MUC12: variants seen among roughly 807,000 people sequenced by gnomAD.
MUC12 encodes mucin-12.
In MUC12, 172 loss-of-function variants were observed where a neutral mutation model predicts 230.8. The ratio of observed to expected loss-of-function variants is 0.75; its 90% CI spans 0.66 to 0.85. The LOEUF (loss-of-function observed/expected upper bound fraction) is 0.85. Ranked by LOEUF, MUC12 falls within the 40% of genes least tolerant of loss-of-function variation. The probability of loss-of-function intolerance (pLI) is 0.00; values close to 1 mark genes in which losing one functional copy is unlikely to be tolerated. For missense variants in MUC12, 3,506 were observed against 5,920.6 expected, an observed-to-expected ratio of 0.59 and a Z score of 13.38; for synonymous variants, 1,259 against 2,401.9, an observed-to-expected ratio of 0.52 and a Z score of 13.91.
In MUC12 at chr7:101,012,328, T is replaced by A. The variant is rs776750530; in HGVS notation, c.15284T>A (p.Ile5095Asn). 1.0e-5 allele frequency: 16 copies of A among 1,537,348 alleles called. No individual in the cohort carries two copies. Among genetic ancestry groups the A allele is most frequent in the Non-Finnish European group, 1.1e-5 (13 of 1,146,930 alleles). The change falls in exon 6 of 12, where the codon ATC becomes AAC. Residue 5095 changes from isoleucine (I) to asparagine (N), a missense_variant. Transcript: ENST00000536621. ...NGSIVVKNDV[I>N]LEADYTLEYE... ...AGCATCGTGGTCAAGAACGATGTCATCCTGGAGGCAGACTACACTTTAGAG... is the reference window on the plus strand; with the variant it reads ...AGCATCGTGGTCAAGAACGATGTCAACCTGGAGGCAGACTACACTTTAGAG...
At position 100,974,986 on chromosome 7, in the gene MUC12, G is replaced by A. The variant is rs551721799; in HGVS notation, c.67+5297G>A. Reference sequence around the variant, plus strand: ...GACAGTCCAGGAGGCTGTATTGACCGGGAGGACAGGAGCCTCTCTTTGGTG... The same window carrying A: ...GACAGTCCAGGAGGCTGTATTGACCAGGAGGACAGGAGCCTCTCTTTGGTG... On this transcript the variant is annotated intron_variant, in intron 1 of 11. Coordinates refer to ENST00000536621, the MANE Select transcript of MUC12 (RefSeq NM_001164462.2). Among the ~76,000 whole-genome samples the A allele has an allele frequency of 2.8e-4, 43 of 152,412 alleles. No homozygotes were observed. In the East Asian group the frequency reaches 2.9e-3, roughly 10 times the overall value.
At position 100,992,477 on chromosome 7, in the gene MUC12, A is replaced by T; in HGVS notation, c.1914A>T (p.Pro638=). The T allele has an allele frequency of 1.3e-6, 2 of 1,537,892 alleles. No homozygotes were observed. The highest frequency in any genetic ancestry group is 2.4e-5 in the East Asian group (1 of 40,928). Residue 638 remains proline, a synonymous_variant, in exon 2 of 12, where the codon CCA becomes CCT. Coordinates refer to ENST00000536621, the MANE Select transcript of MUC12 (RefSeq NM_001164462.2). ...QGESTTFHSW[P]SSKDTRPAPP... is the part of the protein sequence containing the mutation. Reference sequence around the variant, plus strand: ...AATCTACCACATTCCATAGCTGGCCAAGCTCAAAGGACACTAGGCCTGCAC... The same window carrying T: ...AATCTACCACATTCCATAGCTGGCCTAGCTCAAAGGACACTAGGCCTGCAC...
At chr7:101,017,749 C>G in intron 11 of MUC12, 86 bp downstream of exon 11, 1 of 917,782 alleles carries the variant, frequency 1.1e-6, no homozygotes, top group Non-Finnish European at 1.5e-6. Flanking sequence ...CCCTTCTCCC[C>G]CTGGGACTCC....
rs1157648244 is a variant in MUC12 at position 100,977,050 on chromosome 7, C to CAAAAAA, written c.67+7388_67+7393dup. ...TTGGTGACAGACCAAGACTCCATCT[C>CAAAAAA]AAAAAAAAAAAAAAAAAAAAAAAAA... On this transcript the variant is annotated intron_variant, in intron 1 of 11. Transcript: ENST00000536621. 8.8e-4 allele frequency among the ~76,000 whole-genome samples: 55 copies of CAAAAAA among 62,428 alleles called. 1 individual carries two copies. The highest frequency in any genetic ancestry group is 1.2e-3 in the African/African-American group (18 of 15,612). The allele number at this position is 62,428 out of a possible 152,430, so 41.0% of individuals were successfully genotyped here. A position where few individuals can be genotyped will look rare whatever the true frequency, so the allele number is the denominator to read the frequency against.
intron 1 of MUC12, 110 bp downstream of exon 1, chr7:100,969,799 A>T (rs1792813821): frequency 2.1e-6 from 3 of 1,459,286 alleles, no homozygotes; most frequent in Non-Finnish European, 2.8e-6. Context: ...TTTGCATGGC[A>T]AGGGGCTGCC....
chr7:101,016,534 C>T (rs1298155721), intron 10 of MUC12, among the ~76,000 whole-genome samples: 5 of 152,112 alleles, frequency 3.3e-5, no homozygotes, highest in South Asian at 2.1e-4. Flanking sequence ...AGGCTGGTCT[C>T]GAACTCCAGA....
At chr7:100,971,400 G>A (rs1426467509) in intron 1 of MUC12, among the ~76,000 whole-genome samples, 70 of 152,358 alleles carry the variant, frequency 4.6e-4, no homozygotes, top group Admixed American at 4.5e-3. Flanking sequence ...TGGGCAGAAG[G>A]GGTGGTGAGG....
rs1256619233 is a variant in MUC12, at chr7:100,995,673, A to C, written c.5110A>C (p.Thr1704Pro). The change falls in exon 2 of 12, where the codon ACT becomes CCT. Residue 1704 changes from threonine to proline, a missense_variant. Thr to Pro is a conservative substitution (Grantham distance 38, BLOSUM62 -1). Transcript: ENST00000536621. The part of the protein sequence containing the change: ...SSKDTMPAPP[T>P]TTSAFVELST... ...AAAGGACACTATGCCTGCACCTCCT[A>C]CTACCACATCAGCCTTTGTTGAGCT... 3.3e-6 allele frequency: 5 copies of C among 1,537,130 alleles called. No homozygotes were observed. In the South Asian group the frequency reaches 3.6e-5, roughly 11 times the overall value.
At chr7:101,010,093 A>C (rs923652950) in intron 5 of MUC12, among the ~76,000 whole-genome samples, 1 of 152,128 alleles carries the variant, frequency 6.6e-6, no homozygotes, top group African/African-American at 2.4e-5. Flanking sequence ...GGTCTTTGGG[A>C]GGCAGGACCA....
intron 1 of MUC12, among the ~76,000 whole-genome samples, chr7:100,975,341 C>T (rs1244382600): frequency 6.6e-6 from 1 of 152,306 alleles, no homozygotes; most frequent in East Asian, 1.9e-4. Context: ...CGCTCTTTAG[C>T]TTAGAAAGGT....
chr7:100,972,788 G>A lies in MUC12; in HGVS notation c.67+3099G>A, dbSNP rs1042003612. Reference sequence around the variant, plus strand: ...CCCAAAGTGCTGGAATGACAGGTGCGAGCCACCGCATCTGGCCCAGCATCT... The same window carrying A: ...CCCAAAGTGCTGGAATGACAGGTGCAAGCCACCGCATCTGGCCCAGCATCT... On this transcript the variant is annotated intron_variant, in intron 1 of 11. Coordinates refer to ENST00000536621, the MANE Select transcript of MUC12 (RefSeq NM_001164462.2). The A allele has an allele frequency of 1.0e-5, 7 of 688,786 alleles. No homozygotes were observed. In the Admixed American group the frequency reaches 1.2e-4, roughly 12 times the overall value. The allele number at this position is 688,786 out of a possible 1,614,324, so 42.7% of individuals were successfully genotyped here.
chr7:101,007,519 C>T (rs971056153), intron 3 of MUC12, among the ~76,000 whole-genome samples: 2 of 152,182 alleles, frequency 1.3e-5, no homozygotes, highest in Non-Finnish European at 2.9e-5. Flanking sequence ...TCTTTCTGTG[C>T]CTGGCTTATT....
intron 1 of MUC12, among the ~76,000 whole-genome samples, chr7:100,976,248 A>G (rs1407617452): frequency 6.6e-6 from 1 of 152,106 alleles, no homozygotes; most frequent in Non-Finnish European, 1.5e-5. Context: ...ACTGCAACCC[A>G]GCCTGGGTGA....
At position 100,992,424 on chromosome 7, in the gene MUC12, C is replaced by A; in HGVS notation, c.1861C>A (p.Pro621Thr). 1 of 1,537,984 alleles carries A rather than the reference C, an allele frequency of 6.5e-7. No homozygotes were observed. Among genetic ancestry groups the A allele is most frequent in the Non-Finnish European group, 8.7e-7 (1 of 1,147,070 alleles). ...STRSPHTTLS[P>T]AGSTTRQGES... ...CAGATCGCCACACACAACACTGTCC[C>A]CTGCCGGCTCTACAACCCGTCAGGG... Residue 621 changes from proline (P) to threonine (T), a missense_variant, in exon 2 of 12, where the codon CCT becomes ACT. Physicochemically the swap from Pro to Thr is conservative, Grantham distance 38. Coordinates refer to ENST00000536621, the MANE Select transcript of MUC12 (RefSeq NM_001164462.2).
intron 1 of MUC12, among the ~76,000 whole-genome samples, chr7:100,980,797 G>T (rs1793093998): frequency 1.3e-5 from 2 of 151,954 alleles, no homozygotes; most frequent in Admixed American, 6.6e-5. Flanking sequence ...TGGGGCCTGT[G>T]GTCTCAGGTA....
At chr7:100,985,972 G>GGAGCTCAGCCCCTC (rs1793182141) in intron 1 of MUC12, among the ~76,000 whole-genome samples, 1 of 152,108 alleles carries the variant, frequency 6.6e-6, no homozygotes, top group Non-Finnish European at 1.5e-5. Context: ...GGCAGCCCCT[G>GGAGCTCAGCCCCTC]GAGCTCAGCC....
intron 1 of MUC12, among the ~76,000 whole-genome samples, chr7:100,983,343 C>T (rs1284224096): frequency 6.6e-6 from 1 of 151,546 alleles, no homozygotes; most frequent in Non-Finnish European, 1.5e-5. Context: ...TTGCTTGAGT[C>T]CGGGAGATGG....
chr7:101,018,469 C>G (rs1793991778), intron 11 of MUC12, 126 bp from the exon 12 acceptor site: 1 of 653,958 alleles, frequency 1.5e-6, no homozygotes, highest in Non-Finnish European at 2.5e-6. Flanking sequence ...GACTCCCTCC[C>G]TCCCCCTGGG....
rs1291284882 is a variant in MUC12 at position 100,993,034 on chromosome 7, C to A, written c.2471C>A (p.Thr824Asn). The A allele has an allele frequency of 4.6e-6, 7 of 1,536,630 alleles. No homozygotes were observed. The highest frequency in any genetic ancestry group is 2.4e-5 in the South Asian group (2 of 84,034). Residue 824 changes from threonine (T) to asparagine (N), a missense_variant, in exon 2 of 12, where the codon ACC becomes AAC. Thr to Asn is a moderately conservative substitution (Grantham distance 65). Transcript: ENST00000536621. Reference sequence around the variant, plus strand: ...ACGCCAGGCCTCAGTGAGAGATCTACCACTTTCCATAGTAGCCCCAGATCA... The same window carrying A: ...ACGCCAGGCCTCAGTGAGAGATCTAACACTTTCCATAGTAGCCCCAGATCA... The part of the protein sequence containing the change: ...TTTPGLSERS[T>N]TFHSSPRSPA...
Sources: allele counts gnomAD v4.1 joint callset (sites outside exome capture counted in the v4.1 genomes callset), GRCh38; gene constraint gnomAD v4.1.1; transcripts MANE v1.5; gene names NCBI Gene and HGNC (gene_info 2026-07-23, HGNC 2026-07-21).